Variants in LCP2 observed in about 807,000 individuals in gnomAD.
The protein encoded by LCP2 is 76 kDa tyrosine phosphoprotein.
A neutral mutation model predicts 74.5 loss-of-function variants in LCP2; 29 were observed. The observed-to-expected ratio is 0.39, with a 90% CI of 0.29 to 0.53. The LOEUF (loss-of-function observed/expected upper bound fraction) is 0.53. LCP2 is among the 20% of genes least tolerant of loss of function. The probability of loss-of-function intolerance (pLI) is 0.72; values close to 1 mark genes in which losing one functional copy is unlikely to be tolerated. For synonymous variants in LCP2, 228 were observed against 229.5 expected (o/e 0.99, Z 0.06); for missense variants, 604 against 634.6 (o/e 0.95, Z 0.52).
Position 170,262,962 on chromosome 5 carries a change from C to A in LCP2, c.798+5G>T, listed in dbSNP as rs1172538877. ...ACACAACCAAAAAACAAGTTCACAG[C>A]TTACCTTGTCAGAAAATGGTGGTTT... On this transcript the variant is annotated splice_donor_5th_base_variant and intron_variant, in intron 11 of 20. Transcript: ENST00000046794. 6.2e-7 allele frequency: 1 copy of A among 1,613,994 alleles called. No individual in the cohort carries two copies. The highest frequency in any genetic ancestry group is 8.5e-7 in the Non-Finnish European group (1 of 1,179,892).
Position 170,256,384 on chromosome 5 carries a change from A to T in LCP2, c.1150+142T>A. ...TCCGACAGCCCTTGGCACACTGCAG[A>T]CACGGAATTAAATGTTGAATGAGGA... On this transcript the variant is annotated intron_variant, in intron 17 of 20. Transcript: ENST00000046794. This position sits in a 1 kb window ranked among gnomAD's most constrained non-coding sequence, Gnocchi z 4.5. The T allele has an allele frequency of 1.4e-6, 1 of 702,074 alleles. No homozygotes were observed. The highest frequency in any genetic ancestry group is 2.5e-6 in the Non-Finnish European group (1 of 392,934). 43.5% of individuals were successfully genotyped at this position (702,074 alleles called of 1,614,324 possible).
intron 20 of LCP2, 56 bp downstream of exon 20, chr5:170,250,674 A>G (rs931329666): frequency 5.3e-5 from 74 of 1,393,360 alleles, no homozygotes; most frequent in Non-Finnish European, 6.8e-5. Flanking sequence ...CCATGAAGGC[A>G]TGCAGAGTGG....
chr5:170,263,264 A>T (rs1474550150), intron 10 of LCP2, among the ~76,000 whole-genome samples: 1 of 152,210 alleles, frequency 6.6e-6, no homozygotes, highest in Admixed American at 6.5e-5. Flanking sequence ...TGCTTTTTTT[A>T]AATAAAATCA....
chr5:170,293,264 T>C, intron 2 of LCP2, 46 bp downstream of exon 2: 1 of 1,571,836 alleles, frequency 6.4e-7, no homozygotes, highest in Non-Finnish European at 8.7e-7. Flanking sequence ...TGGGGAAAAG[T>C]GCCGAACAGT....
intron 10 of LCP2, among the ~76,000 whole-genome samples, chr5:170,264,978 CTTTTTTTTT>C (rs58508083): frequency 9.2e-6 from 1 of 109,002 alleles, no homozygotes; most frequent in African/African-American, 4.1e-5. Flanking sequence ...CAAAATTTGC[CTTTTTTTTT>C]TTTTTTTTTT....
intron 5 of LCP2, 84 bp from the exon 6 acceptor site, chr5:170,274,422 C>G (rs1158513247): frequency 8.1e-6 from 11 of 1,364,910 alleles, no homozygotes; most frequent in African/African-American, 2.9e-5. Context: ...CCATCTGATG[C>G]CTTCCCTCAC....
chr5:170,252,845 T>G (rs1044426650), intron 18 of LCP2, among the ~76,000 whole-genome samples: 1 of 152,244 alleles, frequency 6.6e-6, no homozygotes, highest in African/African-American at 2.4e-5. Flanking sequence ...TATTGAGCAG[T>G]TAAGTGACGA....
chr5:170,255,869 C>T (rs766270088), intron 17 of LCP2, among the ~76,000 whole-genome samples: 6 of 152,280 alleles, frequency 3.9e-5, no homozygotes, highest in Admixed American at 6.5e-5. Flanking sequence ...ACACTCTAAG[C>T]GAATACTAAT....
In LCP2 at chr5:170,262,859, G is replaced by A; in HGVS notation, c.801C>T (p.Pro267=). ...LGKKPPFSDK[P]SIPAGRSLGE... ...AGTCTTACCTTCCCGCTGGAATCGA[G>A]GGCTGCAAGACAGGAGGAAAAATGT... Residue 267 remains proline (P), a splice_region_variant and synonymous_variant, in exon 12 of 21, where the codon CCC becomes CCT. Coordinates refer to ENST00000046794, the MANE Select transcript of LCP2 (RefSeq NM_005565.5). 1 of 1,614,018 alleles carries A rather than the reference G, an allele frequency of 6.2e-7. No homozygotes were observed.
chr5:170,249,483 G>A (rs1324481878), intron 20 of LCP2, among the ~76,000 whole-genome samples: 3 of 151,130 alleles, frequency 2.0e-5, no homozygotes, highest in Admixed American at 1.3e-4. Context: ...TTCTTGCCTC[G>A]GGTTGCTCTG....
rs1762213475 is a variant in LCP2, at chr5:170,287,989, A to G, written c.169T>C (p.Phe57Leu). 1 of 1,613,890 alleles carries G rather than the reference A, an allele frequency of 6.2e-7. No individual in the cohort carries two copies. The highest frequency in any genetic ancestry group is 2.2e-5 in the East Asian group (1 of 44,880). The change falls in exon 3 of 21, where the codon TTC becomes CTC. Residue 57 changes from phenylalanine (F) to leucine (L), a missense_variant. Transcript: ENST00000046794. ...LNLTENDIQK[F>L]PKLRVPILSK... Reference sequence around the variant, plus strand: ...ACTTACGGCACCCGGAGCTTGGGGAACTTCTGGATGTCATTTTCTGTCAGG... The same window carrying G: ...ACTTACGGCACCCGGAGCTTGGGGAGCTTCTGGATGTCATTTTCTGTCAGG...
chr5:170,268,346 T>C (rs747120982), intron 8 of LCP2, 39 bp downstream of exon 8: 1 of 255,424 alleles, frequency 3.9e-6, no homozygotes, highest in South Asian at 1.4e-4. Context: ...ATAACTGCAG[T>C]GGACACCAAG....
At chr5:170,296,136 C>A (rs1354784837) in intron 1 of LCP2, among the ~76,000 whole-genome samples, 1 of 152,132 alleles carries the variant, frequency 6.6e-6, no homozygotes, top group Non-Finnish European at 1.5e-5. Context: ...CCACTTTATT[C>A]CCTCTTGGCA....
chr5:170,272,227 T>C (rs797012215), intron 6 of LCP2, among the ~76,000 whole-genome samples: 22 of 152,326 alleles, frequency 1.4e-4, no homozygotes, highest in African/African-American at 5.3e-4. Context: ...AATGACAGAA[T>C]TTTCCTCTCT....
At chr5:170,265,925 G>C (rs1761746374) in intron 10 of LCP2, among the ~76,000 whole-genome samples, 1 of 152,184 alleles carries the variant, frequency 6.6e-6, no homozygotes, top group Non-Finnish European at 1.5e-5. Context: ...GCCTGATATG[G>C]TGGAAAAGAG....
At chr5:170,275,555 C>G in intron 4 of LCP2, 3 of 654,926 alleles carry the variant, frequency 4.6e-6, no homozygotes, top group Admixed American at 5.5e-5. Flanking sequence ...AGTGGCATGA[C>G]TGGAAGCTCA....
intron 3 of LCP2, among the ~76,000 whole-genome samples, chr5:170,283,754 C>T (rs913243946): frequency 2.6e-5 from 4 of 152,200 alleles, no homozygotes; most frequent in South Asian, 2.1e-4. Flanking sequence ...GCCCCAGCTG[C>T]TCTGCCCCAC....
chr5:170,256,960 C>T lies in LCP2; in HGVS notation c.1101-385G>A, dbSNP rs766330393. The stretch of plus-strand genomic sequence containing the variant: ...TATTAATGGGCTTGTCTTTGGTGAG[C>T]AGTGAATCCCCAGGGCTTAGGGTCT... On this transcript the variant is annotated intron_variant, in intron 16 of 20. Transcript: ENST00000046794. The surrounding 1 kb of genome is among the most constrained non-coding windows in gnomAD (Gnocchi z 4.5). Among the ~76,000 whole-genome samples, 7 of 152,156 alleles carry T rather than the reference C, an allele frequency of 4.6e-5. No individual in the cohort carries two copies. Among genetic ancestry groups the T allele is most frequent in the Non-Finnish European group, 7.4e-5 (5 of 68,024 alleles).
At chr5:170,289,454 C>T (rs1185892192) in intron 2 of LCP2, among the ~76,000 whole-genome samples, 2 of 152,164 alleles carry the variant, frequency 1.3e-5, no homozygotes, top group Non-Finnish European at 2.9e-5. Context: ...TTCACTGGAT[C>T]CATCTGATCC....
Sources: gnomAD v4.1 joint callset for allele counts (sites outside exome capture counted in the v4.1 genomes callset) on GRCh38, gnomAD v4.1.1 for gene constraint, Gnocchi (gnomAD v3.1) non-coding constraint, MANE v1.5 for transcripts, NCBI Gene and HGNC (gene_info 2026-07-23, HGNC 2026-07-21) for gene names.